PRKN: variants seen among roughly 807,000 people sequenced by gnomAD.
PRKN encodes E3 ubiquitin-protein ligase parkin.
A neutral mutation model predicts 59.5 loss-of-function variants in PRKN; 56 were observed. The observed-to-expected ratio is 0.94, with a 90% CI of 0.76 to 1.18. The LOEUF is 1.18. Among genes scored for constraint, PRKN ranks in the 50% most tolerant of loss-of-function variants. The pLI is 0.00. For missense variants in PRKN, 657 were observed against 596.4 expected (o/e 1.10, Z -1.06); for synonymous variants, 250 against 222.1 (o/e 1.13, Z -1.12).
chr6:161,934,602 T>C (rs9458422), intron 6 of PRKN, among the ~76,000 whole-genome samples: 5,980 of 152,292 alleles, frequency 0.039, 369 homozygotes, highest in African/African-American at 0.14. Context: ...TAGATGACTT[T>C]ATTATGCCCT....
At chr6:162,190,740 A>C (rs367934980) in intron 4 of PRKN, among the ~76,000 whole-genome samples, 3 of 152,316 alleles carry the variant, frequency 2.0e-5, no homozygotes, top group African/African-American at 7.2e-5. Flanking sequence ...TATCACTGTA[A>C]GATAAGATAT....
Position 161,359,047 on chromosome 6 carries a change from G to A in PRKN, c.1285+1041C>T, listed in dbSNP as rs1334393461. ...CTGACCTTGTGATCCACCCGCCTCC[G>A]CCTCCCAAAGTGCTGGGATTACAGG... is the stretch of plus-strand genomic sequence containing the variant. On this transcript the variant is annotated intron_variant, in intron 11 of 11. Coordinates refer to ENST00000366898, the MANE Select transcript of PRKN (RefSeq NM_004562.3). The surrounding 1 kb of genome is among the most constrained non-coding windows in gnomAD (Gnocchi z 5.4). 2.0e-5 allele frequency among the ~76,000 whole-genome samples: 3 copies of A among 152,018 alleles called. No homozygotes were observed. Among genetic ancestry groups the A allele is most frequent in the Non-Finnish European group, 4.4e-5 (3 of 67,972 alleles).
chr6:162,437,912 A>G (rs2128165570), intron 2 of PRKN, among the ~76,000 whole-genome samples: 1 of 152,332 alleles, frequency 6.6e-6, no homozygotes, highest in African/African-American at 2.4e-5. Context: ...TTGTGTGTGT[A>G]CCTACGTCTT....
intron 5 of PRKN, among the ~76,000 whole-genome samples, chr6:161,994,038 A>T (rs1042422071): frequency 2.0e-5 from 3 of 152,172 alleles, no homozygotes; most frequent in Admixed American, 6.5e-5. Flanking sequence ...TTGGTGATGA[A>T]ATTTCAACAT....
chr6:162,061,226 T>C (rs138797308), intron 4 of PRKN, among the ~76,000 whole-genome samples: 12 of 152,184 alleles, frequency 7.9e-5, no homozygotes, highest in Admixed American at 2.0e-4. Context: ...TCACAGAGTG[T>C]GCATGAAGAT....
At chr6:162,649,558 C>T (rs1778336019) in intron 1 of PRKN, among the ~76,000 whole-genome samples, 1 of 151,858 alleles carries the variant, frequency 6.6e-6, no homozygotes, top group Admixed American at 6.6e-5. Context: ...GAGGAACAGA[C>T]TTGTAGATTC....
rs1268698852 is a variant in PRKN at position 161,413,899 on chromosome 6, T to A, written c.1084-27022A>T. Among the ~76,000 whole-genome samples, 2 of 152,104 alleles carry A rather than the reference T, an allele frequency of 1.3e-5. No individual in the cohort carries two copies. The highest frequency in any genetic ancestry group is 2.9e-5 in the Non-Finnish European group (2 of 68,038). On this transcript the variant is annotated intron_variant, in intron 9 of 11. Coordinates refer to ENST00000366898, the MANE Select transcript of PRKN (RefSeq NM_004562.3). The surrounding 1 kb of genome is among the most constrained non-coding windows in gnomAD (Gnocchi z 4.4). ...GTGAGCCTCACCCAGCTGCTGTTCC[T>A]TTCTCTTTCCTGCCTTCTGAAGAGG...
chr6:162,680,850 C>A (rs1264802795), intron 1 of PRKN, among the ~76,000 whole-genome samples: 1 of 152,060 alleles, frequency 6.6e-6, no homozygotes, highest in Non-Finnish European at 1.5e-5. Context: ...TTTAACACTG[C>A]ACAAAAGGAG....
At chr6:161,896,015 A>G (rs1398660941) in intron 6 of PRKN, among the ~76,000 whole-genome samples, 1 of 152,200 alleles carries the variant, frequency 6.6e-6, no homozygotes, top group Non-Finnish European at 1.5e-5. Flanking sequence ...CCTTGTTATC[A>G]GTAAGAAGGG....
intron 1 of PRKN, among the ~76,000 whole-genome samples, chr6:162,662,549 TTTCAGGTCTTACATTTAAATC>T (rs1778929829): frequency 6.6e-6 from 1 of 152,192 alleles, no homozygotes; most frequent in South Asian, 2.1e-4. Context: ...ATTTTAATAG[TTTCAGGTCTTACATTTAAATC>T]TTCAATCAAC....
chr6:162,332,168 C>A (rs1372879210), intron 2 of PRKN, among the ~76,000 whole-genome samples: 1 of 152,142 alleles, frequency 6.6e-6, no homozygotes, highest in Non-Finnish European at 1.5e-5. Flanking sequence ...GTCATTTCTC[C>A]AAAATTTCAC....
chr6:162,722,217 TA>T (rs1337220419), intron 1 of PRKN, among the ~76,000 whole-genome samples: 1 of 152,160 alleles, frequency 6.6e-6, no homozygotes, highest in Non-Finnish European at 1.5e-5. Context: ...GACACTGAAA[TA>T]ATAATCATAA....
rs1234757119 is a variant in PRKN, at chr6:161,538,659, T to C, written c.1083+10195A>G. ...ATGCCAAGCGGAGAAGGAGGAAAAA[T>C]GGCTGCATTTCTTGGAATCTCAGGA... On this transcript the variant is annotated intron_variant, in intron 9 of 11. Coordinates refer to ENST00000366898, the MANE Select transcript of PRKN (RefSeq NM_004562.3). This position sits in a 1 kb window ranked among gnomAD's most constrained non-coding sequence, Gnocchi z 4.2. Among the ~76,000 whole-genome samples, 1 of 151,958 alleles carries C rather than the reference T, an allele frequency of 6.6e-6. No individual in the cohort carries two copies. Among genetic ancestry groups the C allele is most frequent in the East Asian group, 1.9e-4 (1 of 5,178 alleles).
chr6:162,094,734 A>G (rs1779657672), intron 4 of PRKN, among the ~76,000 whole-genome samples: 1 of 152,192 alleles, frequency 6.6e-6, no homozygotes, highest in African/African-American at 2.4e-5. Context: ...TTTAAAACAA[A>G]TTGTGGTAAA....
At chr6:162,638,635 T>A (rs1777838497) in intron 1 of PRKN, among the ~76,000 whole-genome samples, 1 of 152,096 alleles carries the variant, frequency 6.6e-6, no homozygotes, top group Non-Finnish European at 1.5e-5. Flanking sequence ...ACCTTAGGAC[T>A]GTCATTCTTC....
At chr6:161,918,079 A>G (rs1227281815) in intron 6 of PRKN, among the ~76,000 whole-genome samples, 1 of 152,206 alleles carries the variant, frequency 6.6e-6, no homozygotes, top group African/African-American at 2.4e-5. Context: ...ATTCATTTCA[A>G]TTTTCATATT....
Position 161,962,540 on chromosome 6 carries a change from C to CA in PRKN, c.734+10761_734+10762insT, listed in dbSNP as rs1780418840. Among the ~76,000 whole-genome samples, 8 of 136,166 alleles carry CA rather than the reference C, an allele frequency of 5.9e-5. No homozygotes were observed. In the Admixed American group the frequency reaches 5.9e-4, roughly 10 times the overall value. 89.3% of individuals were successfully genotyped at this position (136,166 alleles called of 152,430 possible). A position where few individuals can be genotyped will look rare whatever the true frequency, so the allele number is the denominator to read the frequency against. On this transcript the variant is annotated intron_variant, in intron 6 of 11. Transcript: ENST00000366898. ...CTTAGATGCTTCAGGAATGTAGCAC[C>CA]TTTTTTTTTTTTTTTTTTGAGACGG...
intron 7 of PRKN, among the ~76,000 whole-genome samples, chr6:161,734,241 C>G (rs1311601070): frequency 6.6e-6 from 1 of 152,070 alleles, no homozygotes; most frequent in Non-Finnish European, 1.5e-5. Flanking sequence ...ATTTTCCAGC[C>G]CATACAAAGT....
chr6:161,350,238 G>A (rs1325473840), intron 11 of PRKN, 27 bp from the exon 12 acceptor site: 2 of 1,546,694 alleles, frequency 1.3e-6, no homozygotes, highest in African/African-American at 1.4e-5. Flanking sequence ...ACAAAGGTGT[G>A]GTGGGTTCGC....
Sources: gnomAD v4.1 joint callset for allele counts (sites outside exome capture counted in the v4.1 genomes callset) on GRCh38, gnomAD v4.1.1 for gene constraint, Gnocchi (gnomAD v3.1) non-coding constraint, MANE v1.5 for transcripts, NCBI Gene and HGNC (gene_info 2026-07-23, HGNC 2026-07-21) for gene names.